The following HSD17B4 variants were observed in gnomAD, a reference collection of about 807,000 sequenced individuals.
HSD17B4 encodes hydroxysteroid 17-beta dehydrogenase 4.
A neutral mutation model predicts 101.0 loss-of-function variants in HSD17B4; 70 were observed. The ratio of observed to expected loss-of-function variants is 0.69; its 90% CI spans 0.57 to 0.85. The LOEUF (loss-of-function observed/expected upper bound fraction) is 0.85, where lower values mean the gene tolerates loss of function less well. HSD17B4 is among the 40% of genes least tolerant of loss of function. The probability of loss-of-function intolerance (pLI) is 0.00; values close to 1 mark genes in which losing one functional copy is unlikely to be tolerated. For missense variants in HSD17B4, 984 were observed against 892.4 expected (o/e 1.10, Z -1.31); for synonymous variants, 347 against 297.1 (o/e 1.17, Z -1.73).
intron 2 of HSD17B4, among the ~76,000 whole-genome samples, chr5:119,460,871 G>A (rs760948450): frequency 2.0e-5 from 3 of 152,314 alleles, no homozygotes; most frequent in South Asian, 4.1e-4. Context: ...GAAGGAGTGC[G>A]CCTTGAGGAG....
intron 2 of HSD17B4, among the ~76,000 whole-genome samples, chr5:119,463,593 C>A (rs1487415973): frequency 7.7e-6 from 1 of 130,180 alleles, no homozygotes; most frequent in Non-Finnish European, 1.6e-5. Context: ...TTTTGATTTG[C>A]ATTTTCCTCA....
At chr5:119,490,024 A>AC (rs3839243) in intron 9 of HSD17B4, among the ~76,000 whole-genome samples, 25,355 of 148,434 alleles carry the variant, frequency 0.17, 2,315 homozygotes, top group East Asian at 0.4. Flanking sequence ...TGTATATTAG[A>AC]CCCCCCCCCA....
intron 2 of HSD17B4, among the ~76,000 whole-genome samples, chr5:119,466,472 G>A (rs1031356738): frequency 3.3e-5 from 5 of 152,162 alleles, no homozygotes; most frequent in African/African-American, 1.2e-4. Flanking sequence ...TTTTATACCC[G>A]CTTCAATCTT....
chr5:119,496,392 G>A (rs1173651790), intron 11 of HSD17B4, 151 bp from the exon 12 acceptor site: 1 of 627,306 alleles, frequency 1.6e-6, no homozygotes, highest in Non-Finnish European at 2.9e-6. Flanking sequence ...TCCTTCAATA[G>A]CCTGACATAC....
chr5:119,528,897 T>C (rs11949790), intron 20 of HSD17B4, among the ~76,000 whole-genome samples: 4,321 of 152,150 alleles, frequency 0.028, 194 homozygotes, highest in African/African-American at 0.096. Context: ...CCCTGCCTCC[T>C]TTTCTCACTT....
intron 17 of HSD17B4, among the ~76,000 whole-genome samples, chr5:119,522,453 A>C (rs1753204091): frequency 6.6e-6 from 1 of 152,198 alleles, no homozygotes; most frequent in Admixed American, 6.5e-5. Context: ...TATACCCAGT[A>C]ATGGGATGGC....
chr5:119,502,338 TAAC>T (rs1391804900), intron 14 of HSD17B4, among the ~76,000 whole-genome samples: 2 of 152,166 alleles, frequency 1.3e-5, no homozygotes, highest in Non-Finnish European at 2.9e-5. Context: ...TATGTGTTAT[TAAC>T]AACTGAAAGG....
At chr5:119,477,700 T>G (rs1461907265) in intron 7 of HSD17B4, 199 bp downstream of exon 7, 2 of 566,800 alleles carry the variant, frequency 3.5e-6, no homozygotes, top group Non-Finnish European at 6.5e-6. Context: ...CTGGAAAGCT[T>G]TATATTTATT....
intron 2 of HSD17B4, among the ~76,000 whole-genome samples, chr5:119,464,196 G>A (rs1755576066): frequency 1.3e-5 from 2 of 151,992 alleles, no homozygotes; most frequent in Non-Finnish European, 2.9e-5. Flanking sequence ...GTTTGATCTA[G>A]TCCCATTTGT....
intron 22 of HSD17B4, among the ~76,000 whole-genome samples, chr5:119,535,191 C>T (rs1232363109): frequency 1.3e-5 from 2 of 152,136 alleles, no homozygotes; most frequent in African/African-American, 2.4e-5. Context: ...TTTCTAAGAA[C>T]AAAGACATTC....
chr5:119,463,098 C>A (rs2451814), intron 2 of HSD17B4, among the ~76,000 whole-genome samples: 49,576 of 152,068 alleles, frequency 0.33, 9,208 homozygotes, highest in East Asian at 0.82. Flanking sequence ...TGAGTGAAAA[C>A]ATGATGTATT....
chr5:119,518,087 C>T (rs1004055840), intron 17 of HSD17B4, among the ~76,000 whole-genome samples: 2 of 152,266 alleles, frequency 1.3e-5, no homozygotes, highest in Admixed American at 6.5e-5. Flanking sequence ...CCCAAGCCAG[C>T]AGTGGCAACC....
intron 10 of HSD17B4, chr5:119,492,605 C>T (rs1750212842): frequency 1.3e-5 from 2 of 156,490 alleles, no homozygotes; most frequent in South Asian, 3.8e-4. Context: ...TGAGGAATCA[C>T]ATTGGACAAC....
chr5:119,478,860 G>A lies in HSD17B4; in HGVS notation c.461G>A (p.Gly154Glu). 2 of 1,613,546 alleles carry A rather than the reference G, an allele frequency of 1.2e-6. No homozygotes were observed. The highest frequency in any genetic ancestry group is 2.2e-5 in the East Asian group (1 of 44,874). Residue 154 changes from glycine to glutamate, a missense_variant, in exon 8 of 24, where the codon GGA becomes GAA. Gly to Glu is a moderately conservative substitution (Grantham distance 98). Coordinates refer to ENST00000510025, the MANE Select transcript of HSD17B4 (RefSeq NM_000414.4). ...GRIIMTSSAS[G>E]IYGNFGQANY... ...ATTATTATGACTTCATCAGCTTCAGGAATATATGGCAACTTTGGCCAGGCC... is the reference window on the plus strand; with the variant it reads ...ATTATTATGACTTCATCAGCTTCAGAAATATATGGCAACTTTGGCCAGGCC...
intron 23 of HSD17B4, among the ~76,000 whole-genome samples, chr5:119,536,805 A>G (rs1754582121): frequency 6.6e-6 from 1 of 152,098 alleles, no homozygotes; most frequent in Non-Finnish European, 1.5e-5. Context: ...AAGGTGAAAA[A>G]CCATATGACA....
At chr5:119,517,016 C>T (rs28504028) in intron 17 of HSD17B4, among the ~76,000 whole-genome samples, 1,833 of 152,324 alleles carry the variant, frequency 0.012, 16 homozygotes, top group African/African-American at 0.022. Flanking sequence ...ACTTGAGGAG[C>T]CCATCAGCCC....
chr5:119,508,198 G>T (rs1487022569), intron 15 of HSD17B4, among the ~76,000 whole-genome samples: 2 of 149,786 alleles, frequency 1.3e-5, no homozygotes, highest in Non-Finnish European at 3.0e-5. Context: ...TTCTCTTTTA[G>T]TCTTCTCACC....
intron 2 of HSD17B4, among the ~76,000 whole-genome samples, chr5:119,473,181 G>C (rs1748161907): frequency 6.7e-6 from 1 of 148,832 alleles, no homozygotes; most frequent in South Asian, 2.1e-4. Flanking sequence ...AAGTAGGATT[G>C]ATCGATCTTA....
intron 7 of HSD17B4, 42 bp from the exon 8 acceptor site, chr5:119,478,792 A>C (rs1162272445): frequency 1.3e-6 from 2 of 1,545,956 alleles, no homozygotes; most frequent in Non-Finnish European, 1.8e-6. Context: ...ATGTTATCAA[A>C]TTATGGAAAA....
Sources: allele counts gnomAD v4.1 joint callset (sites outside exome capture counted in the v4.1 genomes callset), GRCh38; gene constraint gnomAD v4.1.1; transcripts MANE v1.5; gene names NCBI Gene and HGNC (gene_info 2026-07-23, HGNC 2026-07-21).